The following DCAF12 variants were observed in gnomAD, a reference collection of about 807,000 sequenced individuals.
DCAF12 encodes the protein DDB1 and CUL4 associated factor 12.
DCAF12 carries 28 observed loss-of-function variants against 52.8 expected under a neutral mutation model. That is an observed-to-expected ratio of 0.53 (90% CI 0.39 to 0.73). The LOEUF (loss-of-function observed/expected upper bound fraction) is 0.73, where lower values mean the gene tolerates loss of function less well. DCAF12 is among the 30% of genes least tolerant of loss of function. The pLI is 0.00. For missense variants in DCAF12, 425 were observed against 552.2 expected, an observed-to-expected ratio of 0.77 and a Z score of 2.31; for synonymous variants, 196 against 215.5, an observed-to-expected ratio of 0.91 and a Z score of 0.79.
intron 7 of DCAF12, among the ~76,000 whole-genome samples, chr9:34,091,473 C>T: frequency 6.6e-6 from 1 of 151,544 alleles, no homozygotes; most frequent in African/African-American, 2.4e-5. Flanking sequence ...CCTGTCTCTA[C>T]AAAAATACAA....
At position 34,089,498 on chromosome 9, in the gene DCAF12, G is replaced by C; in HGVS notation, c.1117C>G (p.Leu373Val). The change falls in exon 8 of 9, where the codon CTG becomes GTG. Residue 373 changes from leucine to valine, a missense_variant. Physicochemically the swap from Leu to Val is conservative, Grantham distance 32. This residue lies in a region of DCAF12 where 328 missense variants were observed against 444.4 expected (regional missense o/e 0.74). Coordinates refer to ENST00000361264, the MANE Select transcript of DCAF12 (RefSeq NM_015397.4). ...TAACAAGCTGAGAGCCTCTCTTCCAGAAATCTCTGAGCTCGGATGTCATAG... is the reference window on the plus strand; with the variant it reads ...TAACAAGCTGAGAGCCTCTCTTCCACAAATCTCTGAGCTCGGATGTCATAG... ...LFYDIRAQRF[L>V]EERLSACYGS... 2 of 1,614,160 alleles carry C rather than the reference G, an allele frequency of 1.2e-6. No individual in the cohort carries two copies. Among genetic ancestry groups the C allele is most frequent in the Non-Finnish European group, 1.7e-6 (2 of 1,180,038 alleles).
At position 34,126,568 on chromosome 9, in the gene DCAF12, C is replaced by T. The variant is rs1299724079; in HGVS notation, c.-137G>A. On this transcript the variant is annotated 5_prime_UTR_variant, in exon 1 of 9. Coordinates refer to ENST00000361264, the MANE Select transcript of DCAF12 (RefSeq NM_015397.4). Reference sequence around the variant, plus strand: ...CCCGGAAAATGGCCCGGACCCGGAGCGGCAGCAGAAAAAAGATAGGCGGAA... The same window carrying T: ...CCCGGAAAATGGCCCGGACCCGGAGTGGCAGCAGAAAAAAGATAGGCGGAA... The T allele has an allele frequency of 5.4e-6, 5 of 919,208 alleles. No individual in the cohort carries two copies. Among genetic ancestry groups the T allele is most frequent in the Non-Finnish European group, 6.3e-6 (4 of 634,866 alleles). The allele number at this position is 919,208 out of a possible 1,614,324, so 56.9% of individuals were successfully genotyped here.
intron 8 of DCAF12, 102 bp from the exon 9 acceptor site, chr9:34,088,610 G>A: frequency 7.7e-6 from 10 of 1,304,240 alleles, no homozygotes; most frequent in Non-Finnish European, 1.1e-5. Flanking sequence ...AAGGGAACAG[G>A]GTTCTACAGG....
chr9:34,105,755 C>CTTT (rs34136603), intron 4 of DCAF12, among the ~76,000 whole-genome samples: 1 of 143,578 alleles, frequency 7.0e-6, no homozygotes, highest in Non-Finnish European at 1.5e-5. Flanking sequence ...TCTATCCATC[C>CTTT]TTTTTTTTTT....
intron 2 of DCAF12, among the ~76,000 whole-genome samples, chr9:34,115,531 G>A (rs941078257): frequency 2.1e-5 from 3 of 146,266 alleles, no homozygotes; most frequent in Non-Finnish European, 4.5e-5. Flanking sequence ...CCCGGTAGGC[G>A]GAGGTTGCAG....
At chr9:34,091,884 C>G (rs1022130383) in intron 7 of DCAF12, among the ~76,000 whole-genome samples, 1 of 152,080 alleles carries the variant, frequency 6.6e-6, no homozygotes, top group Non-Finnish European at 1.5e-5. Context: ...AGCTGTTCCC[C>G]CATCAAGCTG....
rs143094429 is a variant in DCAF12 at position 34,102,179 on chromosome 9, C to T, written c.602-3662G>A. ...TGGCGCAAACCTGTGGTACCAGCTA[C>T]CCGGGAGGCTGAGGTGGGAGGGTCA... is the stretch of plus-strand genomic sequence containing the variant. On this transcript the variant is annotated intron_variant, in intron 4 of 8. Transcript: ENST00000361264. Among the ~76,000 whole-genome samples, 89 of 151,676 alleles carry T rather than the reference C, an allele frequency of 5.9e-4. 1 individual carries two copies. The highest frequency in any genetic ancestry group is 2.1e-3 in the African/African-American group (86 of 41,334).
At chr9:34,096,584 T>A (rs952162831) in intron 6 of DCAF12, 132 bp downstream of exon 6, 6 of 808,628 alleles carry the variant, frequency 7.4e-6, no homozygotes, top group East Asian at 2.8e-5. Context: ...AGCCTGGGCA[T>A]CAGAGCGAGA....
chr9:34,116,335 G>A lies in DCAF12; in HGVS notation c.333+8688C>T, dbSNP rs539519019. 1.1e-4 allele frequency among the ~76,000 whole-genome samples: 16 copies of A among 152,066 alleles called. No homozygotes were observed. The South Asian group carries it at 3.3e-3, about 32-fold the overall frequency. On this transcript the variant is annotated intron_variant, in intron 2 of 8. Coordinates refer to ENST00000361264, the MANE Select transcript of DCAF12 (RefSeq NM_015397.4). ...ACTGAACTCCAGCCTGGGCGACAGAGAGAGTCCGTCTCAAAAATAAATAAA... is the reference window on the plus strand; with the variant it reads ...ACTGAACTCCAGCCTGGGCGACAGAAAGAGTCCGTCTCAAAAATAAATAAA...
Position 34,107,279 on chromosome 9 carries a change from T to G in DCAF12, c.540+80A>C, listed in dbSNP as rs878904874. 6.5e-6 allele frequency: 9 copies of G among 1,386,512 alleles called. No individual in the cohort carries two copies. The Admixed American group carries it at 1.5e-4, about 23-fold the overall frequency. The allele number at this position is 1,386,512 out of a possible 1,614,324, so 85.9% of individuals were successfully genotyped here. ...GAGTCCAGTCCCCACTCTGGGCTGA[T>G]GAGAGGAGGGTCCATGTTAATCACT... On this transcript the variant is annotated intron_variant, in intron 3 of 8. Coordinates refer to ENST00000361264, the MANE Select transcript of DCAF12 (RefSeq NM_015397.4).
Position 34,102,370 on chromosome 9 carries a change from T to G in DCAF12, c.602-3853A>C, listed in dbSNP as rs141173289. 4.2e-3 allele frequency among the ~76,000 whole-genome samples: 645 copies of G among 151,970 alleles called. 2 individuals are homozygous for G. In the Middle Eastern group the frequency reaches 0.048, roughly 11 times the overall value. On this transcript the variant is annotated intron_variant, in intron 4 of 8. Transcript: ENST00000361264. ...TTCTTAGCAAACAATAATAAAGCACTTAAAAACCCAGGCCGGGCACGGTGG... is the reference window on the plus strand; with the variant it reads ...TTCTTAGCAAACAATAATAAAGCACGTAAAAACCCAGGCCGGGCACGGTGG...
At chr9:34,118,631 T>C (rs1829122765) in intron 2 of DCAF12, among the ~76,000 whole-genome samples, 1 of 152,162 alleles carries the variant, frequency 6.6e-6, no homozygotes, top group Non-Finnish European at 1.5e-5. Context: ...ATTACGTATC[T>C]GGTATAAGAG....
chr9:34,124,951 C>G, intron 2 of DCAF12, 72 bp downstream of exon 2: 1 of 1,556,934 alleles, frequency 6.4e-7, no homozygotes, highest in South Asian at 1.2e-5. Flanking sequence ...GGAAAACTAG[C>G]AGAGGTTCTA....
At chr9:34,119,779 G>A (rs1829143469) in intron 2 of DCAF12, among the ~76,000 whole-genome samples, 1 of 147,574 alleles carries the variant, frequency 6.8e-6, no homozygotes, top group African/African-American at 2.5e-5. Flanking sequence ...CCATTTAACT[G>A]CAGCCTCCAC....
chr9:34,123,957 G>C (rs1352567002), intron 2 of DCAF12, among the ~76,000 whole-genome samples: 1 of 152,014 alleles, frequency 6.6e-6, no homozygotes, highest in African/African-American at 2.4e-5. Flanking sequence ...GGAAACGAAA[G>C]GTTGGCCCCA....
At position 34,086,665 on chromosome 9, in the gene DCAF12, CCT is replaced by C. The variant is rs1173994685; in HGVS notation, c.*1683_*1684del. ...TAGCATCCAGCATTTTGCTTAATTC[CCT>C]GTTTATAGCACCTATTTCTCTAGGT... On this transcript the variant is annotated 3_prime_UTR_variant, in exon 9 of 9. Coordinates refer to ENST00000361264, the MANE Select transcript of DCAF12 (RefSeq NM_015397.4). The C allele has an allele frequency of 6.6e-6, 1 of 151,982 alleles. No homozygotes were observed. The highest frequency in any genetic ancestry group is 2.4e-5 in the African/African-American group (1 of 41,376). The allele number at this position is 151,982 out of a possible 1,614,324, so 9.4% of individuals were successfully genotyped here.
Position 34,088,308 on chromosome 9 carries a change from G to A in DCAF12, c.*42C>T, listed in dbSNP as rs2131423337. The A allele has an allele frequency of 2.7e-6, 4 of 1,496,436 alleles. No individual in the cohort carries two copies. The highest frequency in any genetic ancestry group is 4.8e-5 in the East Asian group (2 of 41,714). The allele number at this position is 1,496,436 out of a possible 1,614,324, so 92.7% of individuals were successfully genotyped here. On this transcript the variant is annotated 3_prime_UTR_variant, in exon 9 of 9. Transcript: ENST00000361264. ...AAATCAAAAGAAACAAGGAAACTGA[G>A]AATGGAAGTTAGTGTAAATCTCTGC...
At chr9:34,103,406 A>AG (rs202172047) in intron 4 of DCAF12, among the ~76,000 whole-genome samples, 2 of 71,218 alleles carry the variant, frequency 2.8e-5, no homozygotes, top group African/African-American at 3.9e-5. Context: ...ACTCCATCTC[A>AG]AAAAAAAAAA....
In DCAF12 at chr9:34,093,339, G is replaced by T. The variant is rs1313271210; in HGVS notation, c.971C>A (p.Pro324Gln). 7 of 1,614,070 alleles carry T rather than the reference G, an allele frequency of 4.3e-6. No individual in the cohort carries two copies. Among genetic ancestry groups the T allele is most frequent in the Non-Finnish European group, 5.9e-6 (7 of 1,180,044 alleles). The change falls in exon 7 of 9, where the codon CCA (proline) becomes CAA (glutamine). Residue 324 changes from proline to glutamine, a missense_variant. This residue lies in a region of DCAF12 where 328 missense variants were observed against 444.4 expected (regional missense o/e 0.74). Transcript: ENST00000361264. ...GSQAHVSFLD[P>Q]RQPSYNVKSV... ...CTTGACGTTGTATGATGGCTGCCGT[G>T]GATCCAAGAAGGAGACATGAGCTTG...
Sources: allele counts gnomAD v4.1 joint callset (sites outside exome capture counted in the v4.1 genomes callset), GRCh38; gene constraint gnomAD v4.1.1; regional missense constraint gnomAD v4.1.1; transcripts MANE v1.5; gene names NCBI Gene and HGNC (gene_info 2026-07-23, HGNC 2026-07-21).